TIGD1: variants seen among roughly 807,000 people sequenced by gnomAD.
TIGD1 encodes the protein tigger transposable element derived 1.
Under a neutral mutation model 21.3 loss-of-function variants are expected in TIGD1, and 20 were observed. The observed-to-expected ratio is 0.94, with a 90% CI of 0.66 to 1.36. TIGD1 has a LOEUF of 1.36. TIGD1 is among the 40% of genes most tolerant of loss of function. The probability of loss-of-function intolerance (pLI) is 0.00; values close to 1 mark genes in which losing one functional copy is unlikely to be tolerated. For synonymous variants in TIGD1, 177 were observed against 123.2 expected (o/e 1.44, Z -2.89); for missense variants, 556 against 350.5 (o/e 1.59, Z -4.68).
Position 232,546,060 on chromosome 2 carries a change from T to C in TIGD1, c.*2047A>G. On this transcript the variant is annotated 3_prime_UTR_variant, in exon 1 of 1. Transcript: ENST00000408957. ...AAGCCCGAAGGACTGTTTTGTATAATACCTTCGGACTTGGGACTGGCTCCC... is the reference window on the plus strand; with the variant it reads ...AAGCCCGAAGGACTGTTTTGTATAACACCTTCGGACTTGGGACTGGCTCCC... 1 of 393,400 alleles carries C rather than the reference T, an allele frequency of 2.5e-6. No homozygotes were observed. Among genetic ancestry groups the C allele is most frequent in the Non-Finnish European group, 4.9e-6 (1 of 205,716 alleles). 24.4% of individuals were successfully genotyped at this position (393,400 alleles called of 1,614,324 possible).
rs1182851965 is a variant in TIGD1 at position 232,550,322 on chromosome 2, C to CG, written c.-441dup. On this transcript the variant is annotated 5_prime_UTR_variant, in exon 1 of 1. Coordinates refer to ENST00000408957, the MANE Select transcript of TIGD1 (RefSeq NM_145702.4). ...GCCGCGACCGACAAAGGAAAGCCTC[C>CG]GGGAGGTCAAAAGAGATACCAGAGA... 2.9e-6 allele frequency: 1 copy of CG among 342,924 alleles called. No homozygotes were observed. Among genetic ancestry groups the CG allele is most frequent in the African/African-American group, 2.2e-5 (1 of 46,102 alleles). The allele number at this position is 342,924 out of a possible 1,614,324, so 21.2% of individuals were successfully genotyped here.
In TIGD1 at chr2:232,545,833, CTG is replaced by C. The variant is rs1692123012; in HGVS notation, c.*2272_*2273del. On this transcript the variant is annotated 3_prime_UTR_variant, in exon 1 of 1. Transcript: ENST00000408957. ...GCTCTTTGGGAAGTGCCCTTCAGGACTGTGTGAGCCAAACAGCCCTGAGAAAA... is the reference window on the plus strand; with the variant it reads ...GCTCTTTGGGAAGTGCCCTTCAGGACTGTGAGCCAAACAGCCCTGAGAAAA... 1 of 1,171,628 alleles carries C rather than the reference CTG, an allele frequency of 8.5e-7. No individual in the cohort carries two copies. Among genetic ancestry groups the C allele is most frequent in the Non-Finnish European group, 1.3e-6 (1 of 796,156 alleles). The allele number at this position is 1,171,628 out of a possible 1,614,324, so 72.6% of individuals were successfully genotyped here. A position where few individuals can be genotyped will look rare whatever the true frequency, so the allele number is the denominator to read the frequency against.
rs1257615475 is a variant in TIGD1 at position 232,547,012 on chromosome 2, C to T, written c.*1095G>A. Among the ~76,000 whole-genome samples, 4 of 152,290 alleles carry T rather than the reference C, an allele frequency of 2.6e-5. No homozygotes were observed. The East Asian group carries it at 5.8e-4, about 22-fold the overall frequency. On this transcript the variant is annotated 3_prime_UTR_variant, in exon 1 of 1. Transcript: ENST00000408957. ...GAGGCAAGGTCCTGCTCTGAGATTA[C>T]AGCCGGCACACGAGTTTGGCTGGTA...
In TIGD1 at chr2:232,549,675, G is replaced by C. The variant is rs374611526; in HGVS notation, c.208C>G (p.Arg70Gly). The change falls in exon 1 of 1, where the codon CGA becomes GGA. Residue 70 changes from arginine to glycine, a missense_variant. By Grantham distance (125) the Arg-to-Gly change is moderately radical. Transcript: ENST00000408957. ...EVKSATPMNT[R>G]MIRKRNSLIA... ...AGGCTGTTTCGCTTTCTTATCATTC[G>C]TGTGTTCATTGGAGTAGCACTTTTA... 1 of 732,124 alleles carries C rather than the reference G, an allele frequency of 1.4e-6. No homozygotes were observed. Among genetic ancestry groups the C allele is most frequent in the Non-Finnish European group, 2.5e-6 (1 of 400,162 alleles). 45.4% of individuals were successfully genotyped at this position (732,124 alleles called of 1,614,324 possible).
rs1692246602 is a variant in TIGD1 at position 232,549,996 on chromosome 2, CACA to C, written c.-117_-115del. 1 of 596,044 alleles carries C rather than the reference CACA, an allele frequency of 1.7e-6. No individual in the cohort carries two copies. The highest frequency in any genetic ancestry group is 1.9e-5 in the African/African-American group (1 of 53,196). The allele number at this position is 596,044 out of a possible 1,614,324, so 36.9% of individuals were successfully genotyped here. A position where few individuals can be genotyped will look rare whatever the true frequency, so the allele number is the denominator to read the frequency against. On this transcript the variant is annotated 5_prime_UTR_variant, in exon 1 of 1. Transcript: ENST00000408957. ...CTGTGGGTGGAGCGGTCAGAACACA[CACA>C]ACATTAAGTTCCACGTCTTATAAAA... is the stretch of plus-strand genomic sequence containing the variant.
In TIGD1 at chr2:232,547,881, T is replaced by C; in HGVS notation, c.*226A>G. ...ATAAGTTACTGTCTCATGGGATCCA[T>C]ACAGCAACCTAAGGAGGTAGGTCGA... On this transcript the variant is annotated 3_prime_UTR_variant, in exon 1 of 1. Transcript: ENST00000408957. The C allele has an allele frequency of 2.5e-6, 1 of 398,286 alleles. No individual in the cohort carries two copies. Among genetic ancestry groups the C allele is most frequent in the Non-Finnish European group, 4.4e-6 (1 of 226,624 alleles). 24.7% of individuals were successfully genotyped at this position (398,286 alleles called of 1,614,324 possible). A position where few individuals can be genotyped will look rare whatever the true frequency, so the allele number is the denominator to read the frequency against.
In TIGD1 at chr2:232,544,101, C is replaced by T. The variant is rs1332334481; in HGVS notation, c.*4006G>A. Among the ~76,000 whole-genome samples the T allele has an allele frequency of 6.6e-6, 1 of 152,210 alleles. No individual in the cohort carries two copies. The highest frequency in any genetic ancestry group is 2.4e-5 in the African/African-American group (1 of 41,466). On this transcript the variant is annotated 3_prime_UTR_variant, in exon 1 of 1. Coordinates refer to ENST00000408957, the MANE Select transcript of TIGD1 (RefSeq NM_145702.4). ...GGCCCTTGTTGCACATGCAGATTCC[C>T]AGGCCTGTCCCAGGCATTCTAGGCC... is the stretch of plus-strand genomic sequence containing the variant.
At position 232,549,954 on chromosome 2, in the gene TIGD1, G is replaced by A. The variant is rs1411384467; in HGVS notation, c.-72C>T. Reference sequence around the variant, plus strand: ...GAATAGGGAGGCCCAAGAAGAGGGAGAGAGATGGGGAACGGTCTGTGGGTG... The same window carrying A: ...GAATAGGGAGGCCCAAGAAGAGGGAAAGAGATGGGGAACGGTCTGTGGGTG... On this transcript the variant is annotated 5_prime_UTR_variant, in exon 1 of 1. Transcript: ENST00000408957. The A allele has an allele frequency of 4.9e-6, 4 of 813,576 alleles. No homozygotes were observed. The highest frequency in any genetic ancestry group is 3.0e-5 in the Admixed American group (1 of 33,222). The allele number at this position is 813,576 out of a possible 1,614,324, so 50.4% of individuals were successfully genotyped here.
rs1297286536 is a variant in TIGD1 at position 232,546,228 on chromosome 2, C to T, written c.*1879G>A. On this transcript the variant is annotated 3_prime_UTR_variant, in exon 1 of 1. Transcript: ENST00000408957. ...CTGGGTACAATAAGCACCCAATTCT[C>T]AACAGCCCCAGTGGCCTTTCCATTC... 5.8e-6 allele frequency: 1 copy of T among 172,384 alleles called. No homozygotes were observed. The highest frequency in any genetic ancestry group is 1.3e-5 in the Non-Finnish European group (1 of 79,294). 10.7% of individuals were successfully genotyped at this position (172,384 alleles called of 1,614,324 possible).
chr2:232,549,738 G>C lies in TIGD1; in HGVS notation c.145C>G (p.Gln49Glu), dbSNP rs377366316. ...RLGLLRQTVS[Q>E]VVNAKEKFLK... ...AACTTTTCCTTTGCATTTACAACTT[G>C]GCTAACTGTTTGCCGCAGGAGGCCT... Residue 49 changes from glutamine to glutamate, a missense_variant, in exon 1 of 1, where the codon CAA becomes GAA. By Grantham distance (29) the Gln-to-Glu change is conservative. Transcript: ENST00000408957. 3.5e-6 allele frequency: 4 copies of C among 1,133,224 alleles called. No individual in the cohort carries two copies. Among genetic ancestry groups the C allele is most frequent in the African/African-American group, 1.5e-5 (1 of 65,158 alleles). 70.2% of individuals were successfully genotyped at this position (1,133,224 alleles called of 1,614,324 possible). A position where few individuals can be genotyped will look rare whatever the true frequency, so the allele number is the denominator to read the frequency against.
Position 232,547,016 on chromosome 2 carries a change from C to T in TIGD1, c.*1091G>A, listed in dbSNP as rs533854886. Among the ~76,000 whole-genome samples the T allele has an allele frequency of 2.0e-5, 3 of 152,230 alleles. No homozygotes were observed. The highest frequency in any genetic ancestry group is 1.3e-4 in the Admixed American group (2 of 15,292). On this transcript the variant is annotated 3_prime_UTR_variant, in exon 1 of 1. Transcript: ENST00000408957. ...CAAGGTCCTGCTCTGAGATTACAGCCGGCACACGAGTTTGGCTGGTAACCA... is the reference window on the plus strand; with the variant it reads ...CAAGGTCCTGCTCTGAGATTACAGCTGGCACACGAGTTTGGCTGGTAACCA...
chr2:232,545,239 G>A lies in TIGD1; in HGVS notation c.*2868C>T, dbSNP rs1294665203. ...GGAGAATTGCTTGAACCTGGGAGGCGGAGGTTGCAGTGAGCCAAGCCAAGA... is the reference window on the plus strand; with the variant it reads ...GGAGAATTGCTTGAACCTGGGAGGCAGAGGTTGCAGTGAGCCAAGCCAAGA... On this transcript the variant is annotated 3_prime_UTR_variant, in exon 1 of 1. Coordinates refer to ENST00000408957, the MANE Select transcript of TIGD1 (RefSeq NM_145702.4). 2.6e-5 allele frequency among the ~76,000 whole-genome samples: 4 copies of A among 151,826 alleles called. No homozygotes were observed. The highest frequency in any genetic ancestry group is 2.0e-4 in the Admixed American group (3 of 15,236).
chr2:232,544,682 G>A lies in TIGD1; in HGVS notation c.*3425C>T. On this transcript the variant is annotated 3_prime_UTR_variant, in exon 1 of 1. Transcript: ENST00000408957. ...GCTGGAGAAGTGCCCAGGTCAGGGA[G>A]AGAGGAGCTGGGGTCCCTAAGGAGA... The A allele has an allele frequency of 6.4e-7, 1 of 1,568,528 alleles. No homozygotes were observed. The highest frequency in any genetic ancestry group is 8.8e-7 in the Non-Finnish European group (1 of 1,140,260).
In TIGD1 at chr2:232,550,488, G is replaced by A; in HGVS notation, c.-606C>T. 1 of 559,690 alleles carries A rather than the reference G, an allele frequency of 1.8e-6. No homozygotes were observed. Among genetic ancestry groups the A allele is most frequent in the Non-Finnish European group, 3.2e-6 (1 of 314,166 alleles). 34.7% of individuals were successfully genotyped at this position (559,690 alleles called of 1,614,324 possible). The stretch of plus-strand genomic sequence containing the variant: ...CACGCTCCCTTAGGAGAGCGGGCGG[G>A]TCACAAGGACCTGGACAGAGGCAGA... On this transcript the variant is annotated 5_prime_UTR_variant, in exon 1 of 1. Transcript: ENST00000408957.
At position 232,545,599 on chromosome 2, in the gene TIGD1, C is replaced by G; in HGVS notation, c.*2508G>C. The G allele has an allele frequency of 6.2e-7, 1 of 1,614,108 alleles. No homozygotes were observed. Among genetic ancestry groups the G allele is most frequent in the Non-Finnish European group, 8.5e-7 (1 of 1,180,034 alleles). On this transcript the variant is annotated 3_prime_UTR_variant, in exon 1 of 1. Coordinates refer to ENST00000408957, the MANE Select transcript of TIGD1 (RefSeq NM_145702.4). ...TGCTGGACCGCGTCTGCTTCCTGGC[C>G]ATGCTCTCGCTCTTCATCTGTGGCA...
Position 232,550,165 on chromosome 2 carries a change from G to A in TIGD1, c.-283C>T, listed in dbSNP as rs1692250844. On this transcript the variant is annotated 5_prime_UTR_variant, in exon 1 of 1. Coordinates refer to ENST00000408957, the MANE Select transcript of TIGD1 (RefSeq NM_145702.4). The stretch of plus-strand genomic sequence containing the variant: ...CCAAAATGTAACACAGAGACACCAA[G>A]TGAGCACATGCTGTTGGAAAAATGG... 1 of 352,244 alleles carries A rather than the reference G, an allele frequency of 2.8e-6. No homozygotes were observed. Among genetic ancestry groups the A allele is most frequent in the Admixed American group, 4.9e-5 (1 of 20,556 alleles). 21.8% of individuals were successfully genotyped at this position (352,244 alleles called of 1,614,324 possible).
At position 232,548,023 on chromosome 2, in the gene TIGD1, C is replaced by A; in HGVS notation, c.*84G>T. ...GTTATGTTTACACTATACTGTAGAC[C>A]AGCAAGAGTGCAATAGCATTGTCTA... On this transcript the variant is annotated 3_prime_UTR_variant, in exon 1 of 1. Transcript: ENST00000408957. 1 of 537,938 alleles carries A rather than the reference C, an allele frequency of 1.9e-6. No homozygotes were observed. The allele number at this position is 537,938 out of a possible 1,614,324, so 33.3% of individuals were successfully genotyped here. A position where few individuals can be genotyped will look rare whatever the true frequency, so the allele number is the denominator to read the frequency against.
In TIGD1 at chr2:232,545,874, T is replaced by G. The variant is rs964075091; in HGVS notation, c.*2233A>C. 45 of 861,094 alleles carry G rather than the reference T, an allele frequency of 5.2e-5. No homozygotes were observed. The highest frequency in any genetic ancestry group is 8.1e-5 in the Non-Finnish European group (43 of 531,536). The allele number at this position is 861,094 out of a possible 1,614,324, so 53.3% of individuals were successfully genotyped here. Reference sequence around the variant, plus strand: ...GCCCTGAGAAAAGCTGGGGAAACAGTCTGAGCTGGAGTCCGAGAGTGGTTG... The same window carrying G: ...GCCCTGAGAAAAGCTGGGGAAACAGGCTGAGCTGGAGTCCGAGAGTGGTTG... On this transcript the variant is annotated 3_prime_UTR_variant, in exon 1 of 1. Transcript: ENST00000408957.
chr2:232,544,550 G>A lies in TIGD1; in HGVS notation c.*3557C>T. 1 of 1,613,684 alleles carries A rather than the reference G, an allele frequency of 6.2e-7. No homozygotes were observed. The highest frequency in any genetic ancestry group is 8.5e-7 in the Non-Finnish European group (1 of 1,179,906). ...CCTCTTCCAGCAGTGGCAGCGGCAAGGGCTGGTGGCGGCAGCGCTGGAGAA... is the reference window on the plus strand; with the variant it reads ...CCTCTTCCAGCAGTGGCAGCGGCAAAGGCTGGTGGCGGCAGCGCTGGAGAA... On this transcript the variant is annotated 3_prime_UTR_variant, in exon 1 of 1. Coordinates refer to ENST00000408957, the MANE Select transcript of TIGD1 (RefSeq NM_145702.4).
Sources: allele counts gnomAD v4.1 joint callset (sites outside exome capture counted in the v4.1 genomes callset), GRCh38; gene constraint gnomAD v4.1.1; transcripts MANE v1.5; gene names NCBI Gene and HGNC (gene_info 2026-07-23, HGNC 2026-07-21).